Variants in POU2AF1 observed in about 807,000 individuals in gnomAD.
POU2AF1 encodes POU class 2 homeobox associating factor 1.
In POU2AF1, 12 loss-of-function variants were observed where a neutral mutation model predicts 26.3. The ratio of observed to expected loss-of-function variants is 0.46; its 90% CI spans 0.29 to 0.74. POU2AF1 has a LOEUF of 0.74. POU2AF1 is among the 30% of genes least tolerant of loss of function. POU2AF1 has a pLI of 0.09. For missense variants in POU2AF1, 297 were observed against 334.5 expected, an observed-to-expected ratio of 0.89 and a Z score of 0.87; for synonymous variants, 175 against 148.0, an observed-to-expected ratio of 1.18 and a Z score of -1.32.
At chr11:111,358,581 CTCCCTCACACACACAT>C (rs1860929066) in intron 2 of POU2AF1, among the ~76,000 whole-genome samples, 191 bp downstream of exon 2, 1 of 136,068 alleles carries the variant, frequency 7.3e-6, no homozygotes, top group African/African-American at 2.6e-5. Context: ...CACACTCACA[CTCCCTCACACACACAT>C]ACACTCTCAC....
At chr11:111,373,525 T>C (rs1044136881) in intron 1 of POU2AF1, among the ~76,000 whole-genome samples, 1 of 152,244 alleles carries the variant, frequency 6.6e-6, no homozygotes, top group Admixed American at 6.5e-5. Flanking sequence ...TAAGGACTTC[T>C]GATTTTAAAC....
chr11:111,354,372 C>A lies in POU2AF1; in HGVS notation c.660G>T (p.Met220Ile). 1 of 1,614,212 alleles carries A rather than the reference C, an allele frequency of 6.2e-7. No homozygotes were observed. The highest frequency in any genetic ancestry group is 8.5e-7 in the Non-Finnish European group (1 of 1,180,028). Residue 220 changes from methionine to isoleucine, a missense_variant, in exon 5 of 5, where the codon ATG becomes ATT. Met to Ile is a conservative substitution (Grantham distance 10). Transcript: ENST00000393067. The stretch of plus-strand genomic sequence containing the variant: ...AGCTGGCGGCTCTTCTGGGGTCTTC[C>A]ATGTCCTGAAGGACTGGCTCTGGGA... ...ISIPEPVLQD[M>I]EDPRRAASSL...
intron 1 of POU2AF1, among the ~76,000 whole-genome samples, chr11:111,373,470 TAA>T (rs1428412935): frequency 1.3e-5 from 2 of 152,362 alleles, no homozygotes; most frequent in Non-Finnish European, 2.9e-5. Context: ...AGCCAAGGTA[TAA>T]AAACACTGCC....
In POU2AF1 at chr11:111,354,127, G is replaced by T; in HGVS notation, c.*134C>A. 1.0e-6 allele frequency: 1 copy of T among 959,152 alleles called. No homozygotes were observed. The highest frequency in any genetic ancestry group is 1.6e-5 in the South Asian group (1 of 61,392). The allele number at this position is 959,152 out of a possible 1,614,324, so 59.4% of individuals were successfully genotyped here. On this transcript the variant is annotated 3_prime_UTR_variant, in exon 5 of 5. Coordinates refer to ENST00000393067, the MANE Select transcript of POU2AF1 (RefSeq NM_006235.3). ...GGAAGAAGGGAAGGAAGGTTTACAG[G>T]TCTACAATTCTAGCTGTGCGTAGAA... is the stretch of plus-strand genomic sequence containing the variant.
In POU2AF1 at chr11:111,353,466, C is replaced by T. The variant is rs989051043; in HGVS notation, c.*795G>A. On this transcript the variant is annotated 3_prime_UTR_variant, in exon 5 of 5. Coordinates refer to ENST00000393067, the MANE Select transcript of POU2AF1 (RefSeq NM_006235.3). ...CCCACCCACCCTGATGTTCTTTTCT[C>T]CCTGCCACCCACTTCCCACCCCTTA... 4 of 233,242 alleles carry T rather than the reference C, an allele frequency of 1.7e-5. No homozygotes were observed. The highest frequency in any genetic ancestry group is 3.4e-5 in the Non-Finnish European group (4 of 118,170). The allele number at this position is 233,242 out of a possible 1,614,324, so 14.4% of individuals were successfully genotyped here.
intron 1 of POU2AF1, chr11:111,359,363 C>T (rs1860961485): frequency 9.0e-6 from 2 of 222,744 alleles, no homozygotes; most frequent in South Asian, 1.4e-4. Flanking sequence ...CAAATGCAAC[C>T]CTCCTGCCTG....
In POU2AF1 at chr11:111,357,452, T is replaced by C; in HGVS notation, c.449A>G (p.Asn150Ser). 3 of 1,613,958 alleles carry C rather than the reference T, an allele frequency of 1.9e-6. No individual in the cohort carries two copies. The highest frequency in any genetic ancestry group is 2.2e-5 in the East Asian group (1 of 44,876). The change falls in exon 4 of 5, where the codon AAT becomes AGT. Residue 150 changes from asparagine to serine, a missense_variant. By Grantham distance (46) the Asn-to-Ser change is conservative (BLOSUM62 1). Coordinates refer to ENST00000393067, the MANE Select transcript of POU2AF1 (RefSeq NM_006235.3). The stretch of plus-strand genomic sequence containing the variant: ...TGCCTTTGTGTGACATACCGTGACA[T>C]TGGTGATGAGTGGCGGAGAGGCATA... ...LTYASPPLIT[N>S]VTTRSSATPA...
chr11:111,361,093 A>G lies in POU2AF1; in HGVS notation c.17-2175T>C, dbSNP rs570346307. On this transcript the variant is annotated intron_variant, in intron 1 of 4. Coordinates refer to ENST00000393067, the MANE Select transcript of POU2AF1 (RefSeq NM_006235.3). ...TTATTTTAACTTCCCCTGTCTGAAC[A>G]AGAGATCTCTACTGGTATTCATTCA... is the stretch of plus-strand genomic sequence containing the variant. 1.5e-4 allele frequency among the ~76,000 whole-genome samples: 23 copies of G among 152,266 alleles called. No individual in the cohort carries two copies. The South Asian group carries it at 4.4e-3, about 29-fold the overall frequency.
In POU2AF1 at chr11:111,357,313, C is replaced by G; in HGVS notation, c.456+132G>C. On this transcript the variant is annotated intron_variant, in intron 4 of 4. Transcript: ENST00000393067. ...GAATCAGAGCAGGCCTCCATGGAGA[C>G]CAAGGCGAGCTCTGATGACCTGATT... 3 of 1,318,966 alleles carry G rather than the reference C, an allele frequency of 2.3e-6. No homozygotes were observed. In the South Asian group the frequency reaches 4.2e-5, roughly 18 times the overall value. The allele number at this position is 1,318,966 out of a possible 1,614,324, so 81.7% of individuals were successfully genotyped here. A position where few individuals can be genotyped will look rare whatever the true frequency, so the allele number is the denominator to read the frequency against.
chr11:111,374,908 C>T (rs867922810), intron 1 of POU2AF1, among the ~76,000 whole-genome samples: 13 of 152,224 alleles, frequency 8.5e-5, no homozygotes, highest in African/African-American at 3.1e-4. Flanking sequence ...TTATCTTTAA[C>T]TGCCTCCCAA....
Position 111,358,752 on chromosome 11 carries a change from ACACACACTCACACTCT to A in POU2AF1, c.147+20_147+35del. On this transcript the variant is annotated intron_variant, in intron 2 of 4. Coordinates refer to ENST00000393067, the MANE Select transcript of POU2AF1 (RefSeq NM_006235.3). ...CTGACACACACATTCTCTTTCACAC[ACACACACTCACACTCT>A]CACACACACAAACTCTCACCGCCGT... 1 of 1,544,824 alleles carries A rather than the reference ACACACACTCACACTCT, an allele frequency of 6.5e-7. No homozygotes were observed. Among genetic ancestry groups the A allele is most frequent in the Non-Finnish European group, 8.7e-7 (1 of 1,148,930 alleles).
chr11:111,377,312 AGAGGTTGCAGT>A (rs1861327538), intron 1 of POU2AF1, among the ~76,000 whole-genome samples: 1 of 152,072 alleles, frequency 6.6e-6, no homozygotes. Context: ...CCCAGGAGGC[AGAGGTTGCAGT>A]GAGCCGAGAT....
intron 1 of POU2AF1, among the ~76,000 whole-genome samples, chr11:111,368,021 C>T (rs1452051501): frequency 6.6e-6 from 1 of 152,188 alleles, no homozygotes; most frequent in Non-Finnish European, 1.5e-5. Context: ...TGAACAAGTA[C>T]TTGCTGAGCA....
chr11:111,363,134 C>T (rs1861042696), intron 1 of POU2AF1: 3 of 1,010,900 alleles, frequency 3.0e-6, no homozygotes, highest in East Asian at 7.0e-5. Context: ...AACAGGTGTG[C>T]CCTGGCACAA....
chr11:111,364,127 A>T, intron 1 of POU2AF1: 1 of 372,910 alleles, frequency 2.7e-6, no homozygotes, highest in Non-Finnish European at 3.7e-6. Context: ...GTCAGCAGAG[A>T]CTATTTCAGT....
Position 111,353,816 on chromosome 11 carries a change from G to A in POU2AF1, c.*445C>T, listed in dbSNP as rs967882048. 1 of 267,916 alleles carries A rather than the reference G, an allele frequency of 3.7e-6. No individual in the cohort carries two copies. The highest frequency in any genetic ancestry group is 7.0e-6 in the Non-Finnish European group (1 of 142,722). 16.6% of individuals were successfully genotyped at this position (267,916 alleles called of 1,614,324 possible). On this transcript the variant is annotated 3_prime_UTR_variant, in exon 5 of 5. Transcript: ENST00000393067. ...GACTTGGCAACATTTGACATAAAATGTTATTGCTAAAATCCCTATAATTAC... is the reference window on the plus strand; with the variant it reads ...GACTTGGCAACATTTGACATAAAATATTATTGCTAAAATCCCTATAATTAC...
intron 1 of POU2AF1, among the ~76,000 whole-genome samples, chr11:111,361,981 C>CCTTCCTTCTGGGTGACT (rs1861018230): frequency 6.6e-6 from 1 of 152,138 alleles, no homozygotes; most frequent in Non-Finnish European, 1.5e-5. Flanking sequence ...TTTAGTCTCC[C>CCTTCCTTCTGGGTGACT]CACCTTCCTT....
chr11:111,354,723 A>G, intron 4 of POU2AF1, 148 bp from the exon 5 acceptor site: 1 of 733,334 alleles, frequency 1.4e-6, no homozygotes, highest in Non-Finnish European at 2.0e-6. Context: ...TCCTGCTCAA[A>G]GTCTTCCCCA....
intron 1 of POU2AF1, chr11:111,359,190 C>T (rs1591193834): frequency 1.9e-6 from 1 of 533,086 alleles, no homozygotes. Flanking sequence ...TTTCTCACCA[C>T]TTTGCACACT....
Sources: gnomAD v4.1 joint callset for allele counts (sites outside exome capture counted in the v4.1 genomes callset) on GRCh38, gnomAD v4.1.1 for gene constraint, MANE v1.5 for transcripts, NCBI Gene and HGNC (gene_info 2026-07-23, HGNC 2026-07-21) for gene names.